The following MMS22L variants were observed in gnomAD, a reference collection of about 807,000 sequenced individuals.
MMS22L encodes protein MMS22-like.
MMS22L carries 74 observed loss-of-function variants against 159.1 expected under a neutral mutation model. The observed-to-expected ratio is 0.47, with a 90% confidence interval of 0.39 to 0.56. MMS22L has a LOEUF of 0.56. Ranked by LOEUF, MMS22L falls within the 20% of genes least tolerant of loss-of-function variation. MMS22L has a pLI of 0.00. For missense variants in MMS22L, 1,351 were observed against 1,422.1 expected (o/e 0.95, Z 0.80); for synonymous variants, 517 against 506.9 (o/e 1.02, Z -0.27).
chr6:97,152,742 C>T (rs1342196421), intron 22 of MMS22L, among the ~76,000 whole-genome samples: 1 of 151,218 alleles, frequency 6.6e-6, no homozygotes, highest in Non-Finnish European at 1.5e-5. Context: ...TACTTGAAAA[C>T]TTTTTACAAC....
At chr6:97,240,097 G>A (rs565001775) in intron 11 of MMS22L, among the ~76,000 whole-genome samples, 1 of 152,230 alleles carries the variant, frequency 6.6e-6, no homozygotes, top group South Asian at 2.1e-4. Flanking sequence ...TCAATGGGAG[G>A]AAAATAGATA....
chr6:97,193,432 C>T (rs1806103817), intron 14 of MMS22L, among the ~76,000 whole-genome samples: 1 of 152,122 alleles, frequency 6.6e-6, no homozygotes, highest in Non-Finnish European at 1.5e-5. Context: ...AAGAAGTCAT[C>T]ATTTTTAGAA....
chr6:97,264,378 A>C (rs1169368118), intron 8 of MMS22L: 1 of 152,140 alleles, frequency 6.6e-6, no homozygotes, highest in East Asian at 1.9e-4. Context: ...TTTTTTAATA[A>C]AAAAATCCTC....
chr6:97,198,364 T>C (rs771448429), intron 14 of MMS22L, among the ~76,000 whole-genome samples: 1 of 152,122 alleles, frequency 6.6e-6, no homozygotes, highest in Non-Finnish European at 1.5e-5. Flanking sequence ...TAGAGTTACT[T>C]CCAGACATTG....
intron 3 of MMS22L, 63 bp downstream of exon 3, chr6:97,281,174 A>C: frequency 6.6e-7 from 1 of 1,505,134 alleles, no homozygotes; most frequent in South Asian, 1.3e-5. Flanking sequence ...GAAGCCACCC[A>C]ACAACGTAAT....
intron 12 of MMS22L, among the ~76,000 whole-genome samples, chr6:97,232,308 T>A (rs1416246556): frequency 6.6e-6 from 1 of 152,176 alleles, no homozygotes; most frequent in Non-Finnish European, 1.5e-5. Flanking sequence ...GCATTGATGA[T>A]CATTGCCCAG....
Position 97,199,065 on chromosome 6 carries a change from A to G in MMS22L, c.2040-12375T>C, listed in dbSNP as rs1055630282. Among the ~76,000 whole-genome samples, 7 of 152,160 alleles carry G rather than the reference A, an allele frequency of 4.6e-5. No homozygotes were observed. In the East Asian group the frequency reaches 1.4e-3, roughly 29 times the overall value. Reference sequence around the variant, plus strand: ...CTCACCATCCCAGCAGTCTTTTTCGAAAACAGTAGTACATAGTCACTGCTA... The same window carrying G: ...CTCACCATCCCAGCAGTCTTTTTCGGAAACAGTAGTACATAGTCACTGCTA... On this transcript the variant is annotated intron_variant, in intron 14 of 24. Coordinates refer to ENST00000683635, the MANE Select transcript of MMS22L (RefSeq NM_001350599.2).
chr6:97,249,090 G>A (rs991841307), intron 10 of MMS22L, among the ~76,000 whole-genome samples: 2 of 152,104 alleles, frequency 1.3e-5, no homozygotes, highest in African/African-American at 4.8e-5. Context: ...TGAGTCAGTT[G>A]ACTTGGAAAC....
chr6:97,259,691 T>C lies in MMS22L; in HGVS notation c.942+3644A>G, dbSNP rs1162302583. On this transcript the variant is annotated intron_variant, in intron 9 of 24. Coordinates refer to ENST00000683635, the MANE Select transcript of MMS22L (RefSeq NM_001350599.2). ...AACTCTGCGAGCCAATTCATTATAA[T>C]AAATCTTATATATATATATATATCT... 6 of 43,372 alleles carry C rather than the reference T, an allele frequency of 1.4e-4. No homozygotes were observed. In the South Asian group the frequency reaches 7.3e-3, roughly 53 times the overall value. The allele number at this position is 43,372 out of a possible 1,614,324, so 2.7% of individuals were successfully genotyped here. A position where few individuals can be genotyped will look rare whatever the true frequency, so the allele number is the denominator to read the frequency against.
intron 22 of MMS22L, among the ~76,000 whole-genome samples, chr6:97,154,210 G>A (rs1176087268): frequency 1.3e-5 from 2 of 151,948 alleles, no homozygotes; most frequent in African/African-American, 2.4e-5. Context: ...CATTTCCCTG[G>A]TGACTAATGA....
chr6:97,177,458 A>G (rs1804242059), intron 18 of MMS22L, among the ~76,000 whole-genome samples: 1 of 152,150 alleles, frequency 6.6e-6, no homozygotes, highest in South Asian at 2.1e-4. Flanking sequence ...AATATTATCT[A>G]GCATTCAGCA....
At chr6:97,275,280 G>A (rs1816143835) in intron 4 of MMS22L, among the ~76,000 whole-genome samples, 1 of 152,206 alleles carries the variant, frequency 6.6e-6, no homozygotes, top group South Asian at 2.1e-4. Context: ...TGTAATCCCA[G>A]CACTTTGGGA....
At chr6:97,255,250 T>A (rs115122913) in intron 9 of MMS22L, among the ~76,000 whole-genome samples, 2,794 of 152,114 alleles carry the variant, frequency 0.018, 83 homozygotes, top group African/African-American at 0.064. Flanking sequence ...ATTTAGTGAG[T>A]TTTAGGTTTT....
intron 14 of MMS22L, among the ~76,000 whole-genome samples, chr6:97,195,758 A>T (rs1806424666): frequency 6.6e-6 from 1 of 152,210 alleles, no homozygotes; most frequent in Non-Finnish European, 1.5e-5. Context: ...AAGATTAATC[A>T]GGTAATGGCA....
intron 2 of MMS22L, 76 bp downstream of exon 2, chr6:97,282,238 T>C: frequency 1.4e-6 from 2 of 1,463,260 alleles, no homozygotes; most frequent in South Asian, 1.3e-5. Context: ...CAAAGTTTAA[T>C]GGGCTGAAAT....
chr6:97,150,645 T>C (rs1319356304), intron 23 of MMS22L, among the ~76,000 whole-genome samples: 1 of 152,166 alleles, frequency 6.6e-6, no homozygotes, highest in African/African-American at 2.4e-5. Flanking sequence ...TTTTCTCCCC[T>C]CCTAGGGCTT....
intron 21 of MMS22L, among the ~76,000 whole-genome samples, chr6:97,162,908 T>C (rs1582412507): frequency 6.6e-6 from 1 of 151,974 alleles, no homozygotes; most frequent in South Asian, 2.1e-4. Context: ...GTCTAGACAA[T>C]GTGAAAATCT....
At chr6:97,180,862 C>T (rs574977766) in intron 16 of MMS22L, among the ~76,000 whole-genome samples, 4 of 152,286 alleles carry the variant, frequency 2.6e-5, no homozygotes, top group Non-Finnish European at 4.4e-5. Flanking sequence ...AATGATACTG[C>T]TTATTGAAGC....
chr6:97,161,739 A>G (rs983743424), intron 22 of MMS22L, among the ~76,000 whole-genome samples: 2 of 152,062 alleles, frequency 1.3e-5, no homozygotes, highest in Non-Finnish European at 1.5e-5. Flanking sequence ...AATCTAATCA[A>G]GGGAAGTAAC....
Sources: gnomAD v4.1 joint callset for allele counts (sites outside exome capture counted in the v4.1 genomes callset) on GRCh38, gnomAD v4.1.1 for gene constraint, MANE v1.5 for transcripts, NCBI Gene and HGNC (gene_info 2026-07-23, HGNC 2026-07-21) for gene names.